Variants in NEURL1 observed in about 807,000 individuals in gnomAD.
The protein encoded by NEURL1 is E3 ubiquitin-protein ligase NEURL1.
A neutral mutation model predicts 41.2 loss-of-function variants in NEURL1; 26 were observed. The ratio of observed to expected loss-of-function variants is 0.63; its 90% CI spans 0.46 to 0.87. The LOEUF (loss-of-function observed/expected upper bound fraction) is 0.87. NEURL1 is among the 40% of genes least tolerant of loss of function. The pLI is 0.00. For missense variants in NEURL1, 761 were observed against 871.1 expected (o/e 0.87, Z 1.59); for synonymous variants, 400 against 402.3 (o/e 0.99, Z 0.07).
At position 103,533,743 on chromosome 10, in the gene NEURL1, A is replaced by G. The variant is rs185321117; in HGVS notation, c.86-37129A>G. On this transcript the variant is annotated intron_variant, in intron 1 of 5. Coordinates refer to ENST00000369780, the MANE Select transcript of NEURL1 (RefSeq NM_004210.5). ...AGTAGAGACGGGGTTTCACCGTGTT[A>G]GCCAGGATGGTCTCGATCTGCTGAC... 3.8e-3 allele frequency among the ~76,000 whole-genome samples: 579 copies of G among 152,246 alleles called. 2 individuals carry two copies. The highest frequency in any genetic ancestry group is 3.2e-3 in the Non-Finnish European group (216 of 68,016).
chr10:103,504,282 T>G (rs1468514051), intron 1 of NEURL1, among the ~76,000 whole-genome samples: 1 of 152,132 alleles, frequency 6.6e-6, no homozygotes, highest in Non-Finnish European at 1.5e-5. Flanking sequence ...GGAGCCACTG[T>G]GCCTGGCCTG....
intron 1 of NEURL1, among the ~76,000 whole-genome samples, chr10:103,565,296 G>A (rs1004173641): frequency 1.3e-5 from 2 of 152,218 alleles, no homozygotes; most frequent in African/African-American, 4.8e-5. Flanking sequence ...TGGCTCAGTG[G>A]GTGATGATCA....
intron 4 of NEURL1, among the ~76,000 whole-genome samples, chr10:103,585,532 C>A (rs972789565): frequency 6.6e-6 from 1 of 152,156 alleles, no homozygotes; most frequent in East Asian, 1.9e-4. Flanking sequence ...ACCCACTGAC[C>A]ACTCAAAAAT....
In NEURL1 at chr10:103,531,687, C is replaced by CTT. The variant is rs201833061; in HGVS notation, c.85+37226_85+37227dup. Among the ~76,000 whole-genome samples the CTT allele has an allele frequency of 8.6e-3, 1,159 of 134,012 alleles. 12 individuals are homozygous for CTT. Among genetic ancestry groups the CTT allele is most frequent in the African/African-American group, 0.03 (1,089 of 36,350 alleles). 87.9% of individuals were successfully genotyped at this position (134,012 alleles called of 152,430 possible). The stretch of plus-strand genomic sequence containing the variant: ...TGCATACTACCATTCCTGGCTTTTT[C>CTT]TTTTTTTTTTTTAGTAGAGATGAAG... On this transcript the variant is annotated intron_variant, in intron 1 of 5. Transcript: ENST00000369780.
At chr10:103,555,327 C>T (rs1313949763) in intron 1 of NEURL1, 2 of 1,294,270 alleles carry the variant, frequency 1.5e-6, no homozygotes, top group East Asian at 5.9e-5. Flanking sequence ...CGGGGCGACT[C>T]GGTGACCAGC....
intron 2 of NEURL1, 57 bp from the exon 3 acceptor site, chr10:103,571,444 C>T: frequency 1.3e-6 from 2 of 1,529,472 alleles, no homozygotes; most frequent in Non-Finnish European, 1.8e-6. Flanking sequence ...GGAGGCTGCC[C>T]TTGGTCTGAT....
chr10:103,514,293 T>G (rs2034145745), intron 1 of NEURL1, among the ~76,000 whole-genome samples: 1 of 152,072 alleles, frequency 6.6e-6, no homozygotes, highest in Admixed American at 6.6e-5. Context: ...GGTTTCACCA[T>G]GTTGGTCAGG....
chr10:103,533,706 T>C (rs1472312456), intron 1 of NEURL1, among the ~76,000 whole-genome samples: 1 of 152,162 alleles, frequency 6.6e-6, no homozygotes, highest in Non-Finnish European at 1.5e-5. Context: ...CCGGCTAATT[T>C]TTTGTATTTT....
chr10:103,494,634 A>T lies in NEURL1; in HGVS notation c.85+162A>T. ...GGCTGGGGGTGGAGGGCAGCCGGCG[A>T]TGATGGTGATGGAGGATGGCGTCCC... On this transcript the variant is annotated intron_variant, in intron 1 of 5. Transcript: ENST00000369780. 8.0e-6 allele frequency: 5 copies of T among 621,478 alleles called. No individual in the cohort carries two copies. In the South Asian group the frequency reaches 1.0e-4, roughly 13 times the overall value. 38.5% of individuals were successfully genotyped at this position (621,478 alleles called of 1,614,324 possible).
chr10:103,585,241 T>C lies in NEURL1; in HGVS notation c.1339+16T>C. 2 of 1,492,346 alleles carry C rather than the reference T, an allele frequency of 1.3e-6. No homozygotes were observed. Among genetic ancestry groups the C allele is most frequent in the Non-Finnish European group, 1.8e-6 (2 of 1,121,422 alleles). The allele number at this position is 1,492,346 out of a possible 1,614,324, so 92.4% of individuals were successfully genotyped here. ...CGCATCCTCGGTGAGTGCCCGCAGCTGCGCCTGGGCGTATGCCTTTCCTGG... is the reference window on the plus strand; with the variant it reads ...CGCATCCTCGGTGAGTGCCCGCAGCCGCGCCTGGGCGTATGCCTTTCCTGG... On this transcript the variant is annotated intron_variant, in intron 4 of 5. Transcript: ENST00000369780.
At chr10:103,569,852 C>A (rs1243907026) in intron 1 of NEURL1, among the ~76,000 whole-genome samples, 2 of 152,122 alleles carry the variant, frequency 1.3e-5, no homozygotes, top group East Asian at 3.8e-4. Context: ...GTCTGGCTGG[C>A]CTGGGGCTTC....
intron 1 of NEURL1, among the ~76,000 whole-genome samples, chr10:103,546,131 G>T (rs548917725): frequency 3.3e-4 from 50 of 152,292 alleles, no homozygotes; most frequent in African/African-American, 1.0e-3. Flanking sequence ...GCCTCCCAAA[G>T]CTCTGGGATG....
chr10:103,583,052 G>A (rs1304384570), intron 3 of NEURL1, among the ~76,000 whole-genome samples: 2 of 152,196 alleles, frequency 1.3e-5, no homozygotes. Context: ...ATGGAACATG[G>A]TGATCACTTT....
At chr10:103,513,717 C>T (rs1025677613) in intron 1 of NEURL1, among the ~76,000 whole-genome samples, 1 of 151,272 alleles carries the variant, frequency 6.6e-6, no homozygotes, top group African/African-American at 2.4e-5. Context: ...GGTTCTCAGA[C>T]CTCTATACTG....
chr10:103,501,169 G>A (rs1377489616), intron 1 of NEURL1, among the ~76,000 whole-genome samples: 4 of 152,200 alleles, frequency 2.6e-5, no homozygotes, highest in African/African-American at 4.8e-5. Context: ...TATCTTGGAG[G>A]GCCTATGATA....
intron 1 of NEURL1, among the ~76,000 whole-genome samples, chr10:103,537,397 G>T (rs191472967): frequency 6.6e-6 from 1 of 151,730 alleles, no homozygotes; most frequent in Admixed American, 6.6e-5. Flanking sequence ...CCCTCCTCTC[G>T]CACTCTTATA....
intron 1 of NEURL1, chr10:103,494,698 G>A (rs144058975): frequency 1.9e-5 from 10 of 536,814 alleles, no homozygotes; most frequent in African/African-American, 1.8e-4. Context: ...CACTGGGAAC[G>A]TCACTGGAGT....
intron 1 of NEURL1, among the ~76,000 whole-genome samples, chr10:103,498,938 T>G (rs75713837): frequency 0.036 from 5,451 of 152,372 alleles, 88 homozygotes; most frequent in Non-Finnish European, 0.045. Flanking sequence ...CATTCATCAG[T>G]TGGTGGACTT....
chr10:103,553,670 C>T (rs1169113312), intron 1 of NEURL1, among the ~76,000 whole-genome samples: 1 of 152,258 alleles, frequency 6.6e-6, no homozygotes, highest in Non-Finnish European at 1.5e-5. Context: ...GAGCTGCGGG[C>T]TCAGGACCCA....
Sources: gnomAD v4.1 joint callset for allele counts (sites outside exome capture counted in the v4.1 genomes callset) on GRCh38, gnomAD v4.1.1 for gene constraint, MANE v1.5 for transcripts, NCBI Gene and HGNC (gene_info 2026-07-23, HGNC 2026-07-21) for gene names.